Variants in CIDEB observed in about 807,000 individuals in gnomAD.
CIDEB encodes the protein cell death inducing DFFA like effector b, also known as lipid transferase CIDEB.
Under a neutral mutation model 22.4 loss-of-function variants are expected in CIDEB, and 27 were observed. The observed-to-expected ratio is 1.21, with a 90% confidence interval of 0.89 to 1.66. The LOEUF (loss-of-function observed/expected upper bound fraction) is 1.66, where lower values mean the gene tolerates loss of function less well. Among genes scored for constraint, CIDEB ranks in the 40% most tolerant of loss-of-function variants. CIDEB has a pLI of 0.00. For synonymous variants in CIDEB, 103 were observed against 109.5 expected, an observed-to-expected ratio of 0.94 and a Z score of 0.37; for missense variants, 289 against 268.7, an observed-to-expected ratio of 1.08 and a Z score of -0.53.
Position 24,305,674 on chromosome 14 carries a change from C to T in CIDEB, c.619G>A (p.Ala207Thr). Residue 207 changes from alanine to threonine, a missense_variant, in exon 5 of 5, where the codon GCT (alanine) becomes ACT (threonine). Ala to Thr is a moderately conservative substitution (Grantham distance 58). Coordinates refer to ENST00000554411, the MANE Select transcript of CIDEB (RefSeq NM_001393339.1). ...CGGCCCTTCTGCTGCCACTGCTCAG[C>T]CCCCTCCACTGCATGACGAAGGGTG... The part of the protein sequence containing the change: ...SSTLRHAVEG[A>T]EQWQQKGRLH... 1 of 1,614,186 alleles carries T rather than the reference C, an allele frequency of 6.2e-7. No homozygotes were observed. The highest frequency in any genetic ancestry group is 8.5e-7 in the Non-Finnish European group (1 of 1,180,020).
Position 24,307,928 on chromosome 14 carries a change from G to A in CIDEB, c.-70C>T. On this transcript the variant is annotated 5_prime_UTR_variant, in exon 1 of 5. Coordinates refer to ENST00000554411, the MANE Select transcript of CIDEB (RefSeq NM_001393339.1). ...TTCTCTCCTGTGCTGGGGCTTTAGT[G>A]GTGTTTTCTGTTACAAACCTGGGAT... The A allele has an allele frequency of 7.2e-7, 1 of 1,383,374 alleles. No homozygotes were observed. The highest frequency in any genetic ancestry group is 1.2e-5 in the South Asian group (1 of 80,580). 85.7% of individuals were successfully genotyped at this position (1,383,374 alleles called of 1,614,324 possible).
chr14:24,310,999 C>CCGGCCTGCT (rs2041678554), upstream of CIDEB: 1 of 1,587,820 alleles, frequency 6.3e-7, no homozygotes, highest in Non-Finnish European at 8.5e-7. Context: ...GTGCTGCTCA[C>CCGGCCTGCT]CGGCCTGCTC....
chr14:24,307,318 T>C, intron 2 of CIDEB, 53 bp downstream of exon 2: 1 of 1,565,324 alleles, frequency 6.4e-7, no homozygotes, highest in Non-Finnish European at 8.7e-7. Context: ...GCCACTGTTG[T>C]GGAGCCCCTT....
chr14:24,310,686 C>T, upstream of CIDEB: 1 of 1,613,976 alleles, frequency 6.2e-7, no homozygotes, highest in African/African-American at 1.3e-5. Context: ...CTACCGTCCC[C>T]CAGGGAACGA....
upstream of CIDEB, chr14:24,310,789 T>C (rs151213523): frequency 1.9e-4 from 308 of 1,604,382 alleles, no homozygotes; most frequent in Non-Finnish European, 2.5e-4. Flanking sequence ...GGCTTCGTGG[T>C]GTGGAGCTTG....
chr14:24,306,077 G>C lies in CIDEB; in HGVS notation c.397C>G (p.Arg133Gly). Reference sequence around the variant, plus strand: ...TGCTTGTACACGTCAAAGGTGAATCGGGCGATGTCCTTGCTGTGCTTGGGC... The same window carrying C: ...TGCTTGTACACGTCAAAGGTGAATCCGGCGATGTCCTTGCTGTGCTTGGGC... ...ERPKHSKDIARFTFDVYKQNP... is the reference protein window; with the variant it reads ...ERPKHSKDIAGFTFDVYKQNP... The change falls in exon 4 of 5, where the codon CGA becomes GGA. Residue 133 changes from arginine (R) to glycine (G), a missense_variant. By Grantham distance (125) the Arg-to-Gly change is moderately radical. Transcript: ENST00000554411. 6.2e-7 allele frequency: 1 copy of C among 1,614,080 alleles called. No individual in the cohort carries two copies. Among genetic ancestry groups the C allele is most frequent in the Non-Finnish European group, 8.5e-7 (1 of 1,180,004 alleles).
At chr14:24,306,590 A>C (rs1431540433) in intron 2 of CIDEB, 67 bp from the exon 3 acceptor site, 3 of 1,601,484 alleles carry the variant, frequency 1.9e-6, no homozygotes, top group African/African-American at 2.7e-5. Flanking sequence ...TAGCTGCCCA[A>C]CATCCATCAG....
intron 2 of CIDEB, chr14:24,306,863 C>A (rs953778480): frequency 5.5e-6 from 2 of 366,042 alleles, no homozygotes; most frequent in Non-Finnish European, 1.0e-5. Flanking sequence ...CTTCCCACAC[C>A]CTCAAGAGTT....
upstream of CIDEB, chr14:24,311,133 G>T: frequency 6.3e-7 from 1 of 1,586,890 alleles, no homozygotes. Context: ...CGTCCCGGCC[G>T]CCGTCTACCG....
At chr14:24,308,618 A>G (rs993215077), upstream of CIDEB, 1 of 153,122 alleles carries the variant, frequency 6.5e-6, no homozygotes, top group African/African-American at 2.4e-5. Flanking sequence ...CGTGACAGAG[A>G]TGTGAATGGG....
Position 24,306,091 on chromosome 14 carries a change from C to T in CIDEB, c.383G>A (p.Ser128Asn), listed in dbSNP as rs147564519. Residue 128 changes from serine to asparagine, a missense_variant, in exon 4 of 5, where the codon AGC (serine) becomes AAC (asparagine). Physicochemically the swap from Ser to Asn is conservative, Grantham distance 46. Coordinates refer to ENST00000554411, the MANE Select transcript of CIDEB (RefSeq NM_001393339.1). ...AAAGGTGAATCGGGCGATGTCCTTG[C>T]TGTGCTTGGGCCTCTCCCGTCCCAG... ...YGLGRERPKH[S>N]KDIARFTFDV... 1 of 1,614,124 alleles carries T rather than the reference C, an allele frequency of 6.2e-7. No individual in the cohort carries two copies. Among genetic ancestry groups the T allele is most frequent in the African/African-American group, 1.3e-5 (1 of 75,038 alleles).
chr14:24,311,324 G>A (rs2041696955), upstream of CIDEB: 1 of 1,599,882 alleles, frequency 6.3e-7, no homozygotes, highest in Non-Finnish European at 8.5e-7. Flanking sequence ...GGCACGGGGC[G>A]CGGGTGGGCC....
chr14:24,308,905 A>G (rs2041602557), upstream of CIDEB: 1 of 152,220 alleles, frequency 6.6e-6, no homozygotes, highest in Admixed American at 6.5e-5. Context: ...GCTTGAGCCC[A>G]AGCCAGAGCC....
chr14:24,306,703 G>C lies in CIDEB; in HGVS notation c.187-180C>G, dbSNP rs1342494869. Reference sequence around the variant, plus strand: ...GTTCTTCAGTTTTTGGGGGATCCTAGCTAGAGGCTGACCTTTTTCCTCTTT... The same window carrying C: ...GTTCTTCAGTTTTTGGGGGATCCTACCTAGAGGCTGACCTTTTTCCTCTTT... On this transcript the variant is annotated intron_variant, in intron 2 of 4. Coordinates refer to ENST00000554411, the MANE Select transcript of CIDEB (RefSeq NM_001393339.1). 4 of 685,578 alleles carry C rather than the reference G, an allele frequency of 5.8e-6. No individual in the cohort carries two copies. In the Admixed American group the frequency reaches 1.1e-4, roughly 19 times the overall value. The allele number at this position is 685,578 out of a possible 1,614,324, so 42.5% of individuals were successfully genotyped here.
Position 24,305,231 on chromosome 14 carries a change from G to T in CIDEB, c.*402C>A. 1.0e-6 allele frequency: 1 copy of T among 977,540 alleles called. No individual in the cohort carries two copies. The highest frequency in any genetic ancestry group is 1.7e-5 in the African/African-American group (1 of 59,564). 60.6% of individuals were successfully genotyped at this position (977,540 alleles called of 1,614,324 possible). ...ATTTTTATTGGAAATGTTTTTGTTA[G>T]TTTGAGGGGAAGGGTATGAAGACAG... On this transcript the variant is annotated 3_prime_UTR_variant, in exon 5 of 5. Transcript: ENST00000554411.
chr14:24,310,997 C>T, upstream of CIDEB: 3 of 1,588,468 alleles, frequency 1.9e-6, no homozygotes, highest in Non-Finnish European at 2.6e-6. Context: ...GCGTGCTGCT[C>T]ACCGGCCTGC....
upstream of CIDEB, chr14:24,308,860 G>A (rs148079185): frequency 6.6e-6 from 1 of 152,176 alleles, no homozygotes; most frequent in East Asian, 1.9e-4. Flanking sequence ...TAACTTGATT[G>A]CCCTGTGACC....
intron 4 of CIDEB, 80 bp from the exon 5 acceptor site, chr14:24,305,845 C>G (rs1016641077): frequency 1.2e-5 from 19 of 1,589,394 alleles, no homozygotes; most frequent in Non-Finnish European, 1.6e-5. Flanking sequence ...TGAGGACTTT[C>G]CACAAGCAAG....
rs906673629 is a variant in CIDEB, at chr14:24,305,190, GT to G, written c.*442del. 10 of 1,208,354 alleles carry G rather than the reference GT, an allele frequency of 8.3e-6. No individual in the cohort carries two copies. The African/African-American group carries it at 1.6e-4, about 19-fold the overall frequency. The allele number at this position is 1,208,354 out of a possible 1,614,324, so 74.9% of individuals were successfully genotyped here. A position where few individuals can be genotyped will look rare whatever the true frequency, so the allele number is the denominator to read the frequency against. ...GTTTAAATTGGAGTCAGAAGTCTTA[GT>G]GGTAAATATTTGATATTTTTATTGG... On this transcript the variant is annotated 3_prime_UTR_variant, in exon 5 of 5. Transcript: ENST00000554411.
Sources: gnomAD v4.1 joint callset for allele counts on GRCh38, gnomAD v4.1.1 for gene constraint, MANE v1.5 for transcripts, NCBI Gene and HGNC (gene_info 2026-07-23, HGNC 2026-07-21) for gene names.